Variants in PTPRD observed in about 807,000 individuals in gnomAD.
PTPRD encodes receptor-type tyrosine-protein phosphatase delta.
Under a neutral mutation model 214.5 loss-of-function variants are expected in PTPRD, and 34 were observed. The ratio of observed to expected loss-of-function variants is 0.16; its 90% CI spans 0.12 to 0.21. PTPRD has a LOEUF of 0.21. Ranked by LOEUF, PTPRD falls within the 10% of genes least tolerant of loss-of-function variation. The pLI is 1.00. For synonymous variants in PTPRD, 1,128 were observed against 845.7 expected, an observed-to-expected ratio of 1.33 and a Z score of -5.79; for missense variants, 2,545 against 2,398.7, an observed-to-expected ratio of 1.06 and a Z score of -1.27.
intron 9 of PTPRD, among the ~76,000 whole-genome samples, chr9:9,321,343 G>A (rs1317510892): frequency 6.6e-6 from 1 of 152,090 alleles, no homozygotes; most frequent in Non-Finnish European, 1.5e-5. Flanking sequence ...ATCACCTGAG[G>A]TCGGGAGTTC....
At chr9:9,339,786 T>C (rs893395711) in intron 9 of PTPRD, among the ~76,000 whole-genome samples, 1 of 152,174 alleles carries the variant, frequency 6.6e-6, no homozygotes, top group African/African-American at 2.4e-5. Flanking sequence ...GAATGAAAGA[T>C]GCTCACTACT....
At chr9:9,470,941 C>A (rs537810157) in intron 8 of PTPRD, among the ~76,000 whole-genome samples, 1 of 152,274 alleles carries the variant, frequency 6.6e-6, no homozygotes, top group African/African-American at 2.4e-5. Context: ...GAAACTTAGA[C>A]TGTAGTATCT....
At chr9:9,813,500 AT>A (rs1331727350) in intron 5 of PTPRD, among the ~76,000 whole-genome samples, 9 of 152,092 alleles carry the variant, frequency 5.9e-5, no homozygotes, top group Admixed American at 5.2e-4. Flanking sequence ...CAATACACCA[AT>A]AAATTGGATA....
In PTPRD at chr9:9,309,097, G is replaced by T. The variant is rs1302250236; in HGVS notation, c.-203+88352C>A. On this transcript the variant is annotated intron_variant, in intron 9 of 45. Transcript: ENST00000381196. ...TGTACAAATAAAAATAAAAAACCAA[G>T]AATTTATTTGAAAATCTTTCCTCCT... Among the ~76,000 whole-genome samples the T allele has an allele frequency of 2.6e-5, 4 of 151,876 alleles. 1 individual carries two copies. The highest frequency in any genetic ancestry group is 4.8e-5 in the African/African-American group (2 of 41,366).
At chr9:9,282,794 G>A (rs1410083756) in intron 9 of PTPRD, among the ~76,000 whole-genome samples, 1 of 151,358 alleles carries the variant, frequency 6.6e-6, no homozygotes, top group Non-Finnish European at 1.5e-5. Context: ...CAATAATTGT[G>A]GTTAAAGCCC....
intron 10 of PTPRD, among the ~76,000 whole-genome samples, chr9:9,044,247 A>T (rs76694558): frequency 0.014 from 2,121 of 152,320 alleles, 13 homozygotes; most frequent in Non-Finnish European, 0.023. Flanking sequence ...ATCTGAAAAC[A>T]CTCAACATGT....
intron 11 of PTPRD, among the ~76,000 whole-genome samples, chr9:8,770,946 G>C (rs1439680499): frequency 6.6e-6 from 1 of 152,118 alleles, no homozygotes; most frequent in Non-Finnish European, 1.5e-5. Flanking sequence ...TTGGGAGGCA[G>C]AGGCGGGTGG....
chr9:10,086,252 A>G (rs2098335650), intron 3 of PTPRD, among the ~76,000 whole-genome samples: 1 of 151,740 alleles, frequency 6.6e-6, no homozygotes, highest in Admixed American at 6.6e-5. Flanking sequence ...TTTAGATGTG[A>G]TCCTCCATAA....
At chr9:9,171,956 A>T (rs1043466522) in intron 10 of PTPRD, among the ~76,000 whole-genome samples, 5 of 152,266 alleles carry the variant, frequency 3.3e-5, no homozygotes, top group Admixed American at 2.6e-4. Flanking sequence ...ATGATAGATG[A>T]TAAGGATATT....
intron 9 of PTPRD, among the ~76,000 whole-genome samples, chr9:9,291,754 G>A (rs939629361): frequency 1.4e-5 from 2 of 147,854 alleles, no homozygotes; most frequent in East Asian, 2.0e-4. Context: ...TTCTTATTTC[G>A]GAAGATTTAT....
intron 8 of PTPRD, among the ~76,000 whole-genome samples, chr9:9,574,377 G>A (rs530860682): frequency 3.3e-4 from 50 of 151,976 alleles, no homozygotes; most frequent in Admixed American, 1.1e-3. Flanking sequence ...GATAAAATAA[G>A]TTTTACTTTC....
At chr9:8,738,975 C>T (rs1304427856) in intron 11 of PTPRD, among the ~76,000 whole-genome samples, 1 of 152,108 alleles carries the variant, frequency 6.6e-6, no homozygotes, top group Non-Finnish European at 1.5e-5. Flanking sequence ...GGAGTATGTC[C>T]CCAAATTACT....
At chr9:9,554,057 G>C (rs927643733) in intron 8 of PTPRD, among the ~76,000 whole-genome samples, 8 of 151,956 alleles carry the variant, frequency 5.3e-5, no homozygotes, top group Non-Finnish European at 1.2e-4. Flanking sequence ...ATTATGGATG[G>C]GCTAGAAAAG....
At chr9:9,379,227 A>AT (rs2061541042) in intron 9 of PTPRD, among the ~76,000 whole-genome samples, 1 of 146,830 alleles carries the variant, frequency 6.8e-6, no homozygotes, top group Admixed American at 6.9e-5. Flanking sequence ...TATTTGATAT[A>AT]TTTTATATAT....
At chr9:9,463,380 G>C (rs185674710) in intron 8 of PTPRD, among the ~76,000 whole-genome samples, 1 of 152,256 alleles carries the variant, frequency 6.6e-6, no homozygotes, top group Non-Finnish European at 1.5e-5. Context: ...GGTTGGAAGA[G>C]GGAGGGAGGG....
At chr9:10,496,585 C>T (rs2042099055) in intron 2 of PTPRD, among the ~76,000 whole-genome samples, 1 of 150,202 alleles carries the variant, frequency 6.7e-6, no homozygotes, top group Non-Finnish European at 1.5e-5. Flanking sequence ...GTGTATTAGC[C>T]TTCCCTTTTC....
At chr9:9,806,727 C>A (rs2099075456) in intron 5 of PTPRD, among the ~76,000 whole-genome samples, 1 of 152,166 alleles carries the variant, frequency 6.6e-6, no homozygotes, top group Non-Finnish European at 1.5e-5. Flanking sequence ...TAACAGTGAT[C>A]AGCAGCTTCC....
At chr9:8,699,612 G>T (rs1226348111) in intron 12 of PTPRD, among the ~76,000 whole-genome samples, 1 of 152,038 alleles carries the variant, frequency 6.6e-6, no homozygotes, top group Non-Finnish European at 1.5e-5. Flanking sequence ...CTACTTGGTT[G>T]GGCCAGTAAC....
intron 11 of PTPRD, among the ~76,000 whole-genome samples, chr9:8,789,231 G>A (rs1293669743): frequency 6.6e-6 from 1 of 152,020 alleles, no homozygotes; most frequent in South Asian, 2.1e-4. Flanking sequence ...TCAGCATTTG[G>A]CCCAAAAGTT....
Sources: allele counts gnomAD v4.1 joint callset (sites outside exome capture counted in the v4.1 genomes callset), GRCh38; gene constraint gnomAD v4.1.1; transcripts MANE v1.5; gene names NCBI Gene and HGNC (gene_info 2026-07-23, HGNC 2026-07-21).